Variants in UBE2E1 observed in about 807,000 individuals in gnomAD.
UBE2E1 encodes the protein ubiquitin-conjugating enzyme E2 E1.
A neutral mutation model predicts 21.4 loss-of-function variants in UBE2E1; 6 were observed. The observed-to-expected ratio is 0.28, with a 90% CI of 0.15 to 0.55. UBE2E1 has a LOEUF of 0.55. Among genes scored for constraint, UBE2E1 ranks in the 20% least tolerant of loss-of-function variants. UBE2E1 has a pLI of 0.93. For synonymous variants in UBE2E1, 87 were observed against 82.7 expected (o/e 1.05, Z -0.28); for missense variants, 142 against 236.5 (o/e 0.60, Z 2.62).
At chr3:23,811,393 C>A in intron 2 of UBE2E1, 67 bp from the exon 3 acceptor site, 1 of 1,487,332 alleles carries the variant, frequency 6.7e-7, no homozygotes, top group Non-Finnish European at 9.4e-7. Flanking sequence ...GACCTGCACG[C>A]TACAGGTGGG....
At position 23,842,266 on chromosome 3, in the gene UBE2E1, C is replaced by A. The variant is rs1477137531; in HGVS notation, c.203+30756C>A. 1.1e-5 allele frequency among the ~76,000 whole-genome samples: 1 copy of A among 86,990 alleles called. No homozygotes were observed. Among genetic ancestry groups the A allele is most frequent in the Admixed American group, 1.4e-4 (1 of 7,130 alleles). 57.1% of individuals were successfully genotyped at this position (86,990 alleles called of 152,430 possible). ...GTGTGTGTGGTGTTGTTGTTGTTGG[C>A]GACAGGGTCTCAATTCGTCGCCTAG... On this transcript the variant is annotated intron_variant, in intron 3 of 5. Transcript: ENST00000306627. The surrounding 1 kb of genome is among the most constrained non-coding windows in gnomAD (Gnocchi z 4.6).
In UBE2E1 at chr3:23,830,202, G is replaced by A. The variant is rs143373565; in HGVS notation, c.203+18692G>A. 5.1e-4 allele frequency among the ~76,000 whole-genome samples: 77 copies of A among 152,156 alleles called. 1 individual carries two copies. In the East Asian group the frequency reaches 0.014, roughly 28 times the overall value. ...TTGCTTCTAGTTAAGTAGCCTTTCA[G>A]GATGGTGTTTAATTTATTCTGAGCC... On this transcript the variant is annotated intron_variant, in intron 3 of 5. Transcript: ENST00000306627.
chr3:23,838,864 C>G (rs1258853089), intron 3 of UBE2E1, among the ~76,000 whole-genome samples: 2 of 111,704 alleles, frequency 1.8e-5, no homozygotes, highest in Non-Finnish European at 3.8e-5. Context: ...TTCATGCTTG[C>G]TTTTGGGTTG....
intron 3 of UBE2E1, 24 bp downstream of exon 3, chr3:23,811,534 C>T (rs760386536): frequency 6.2e-7 from 1 of 1,611,658 alleles, no homozygotes; most frequent in South Asian, 1.1e-5. Flanking sequence ...CGGATTTTTT[C>T]CATTTTTAAA....
chr3:23,821,297 A>G (rs947136568), intron 3 of UBE2E1, among the ~76,000 whole-genome samples: 8 of 152,236 alleles, frequency 5.3e-5, no homozygotes, highest in Non-Finnish European at 8.8e-5. Context: ...ACATTTGGTC[A>G]AAGACCTAAA....
Position 23,807,364 on chromosome 3 carries a change from A to G in UBE2E1, c.95A>G (p.Lys32Arg), listed in dbSNP as rs1699301147. The change falls in exon 2 of 6, where the codon AAG (lysine) becomes AGG (arginine). Residue 32 changes from lysine to arginine, a missense_variant. This residue lies in a region of UBE2E1 where 55 missense variants were observed against 51.5 expected (regional missense o/e 1.07). Transcript: ENST00000306627. ...TEKETNTPKK[K>R]ESKVSMSKNS... ...AAAGAAACAAACACCCCCAAGAAGA[A>G]GGAGAGTAAAGTCAGCATGAGCAAA... The G allele has an allele frequency of 3.7e-6, 6 of 1,613,870 alleles. No homozygotes were observed. Among genetic ancestry groups the G allele is most frequent in the Non-Finnish European group, 3.4e-6 (4 of 1,179,964 alleles).
At chr3:23,859,207 C>T (rs763976846) in intron 3 of UBE2E1, among the ~76,000 whole-genome samples, 19 of 152,174 alleles carry the variant, frequency 1.2e-4, no homozygotes, top group East Asian at 1.2e-3. Context: ...CTGCTCTGCC[C>T]GTGGAAGCTG....
intron 3 of UBE2E1, among the ~76,000 whole-genome samples, chr3:23,884,757 T>C (rs1480171307): frequency 6.6e-6 from 1 of 152,136 alleles, no homozygotes; most frequent in Non-Finnish European, 1.5e-5. Context: ...CAGCTTGGAA[T>C]ATTGTCAGTA....
chr3:23,814,583 A>G (rs541783217), intron 3 of UBE2E1, among the ~76,000 whole-genome samples: 2 of 152,240 alleles, frequency 1.3e-5, no homozygotes, highest in East Asian at 3.9e-4. Context: ...ATTTAGCTCT[A>G]TTCTTTTAGG....
rs562705719 is a variant in UBE2E1, at chr3:23,835,858, CAAAAT to C, written c.203+24353_203+24357del. ...CTGGATAATCTACATAAATAATCCT[CAAAAT>C]AAAAGGTTCATTTCAACACGTAATA... On this transcript the variant is annotated intron_variant, in intron 3 of 5. Coordinates refer to ENST00000306627, the MANE Select transcript of UBE2E1 (RefSeq NM_003341.5). 2.5e-4 allele frequency among the ~76,000 whole-genome samples: 38 copies of C among 152,178 alleles called. No homozygotes were observed. In the East Asian group the frequency reaches 7.1e-3, roughly 29 times the overall value.
chr3:23,866,592 T>A (rs929547799), intron 3 of UBE2E1: 2 of 152,196 alleles, frequency 1.3e-5, no homozygotes, highest in African/African-American at 4.8e-5. Context: ...GGACTGTAAT[T>A]GAACTGATGC....
Position 23,842,004 on chromosome 3 carries a change from G to A in UBE2E1, c.203+30494G>A, listed in dbSNP as rs1378607925. Among the ~76,000 whole-genome samples, 2 of 152,142 alleles carry A rather than the reference G, an allele frequency of 1.3e-5. No homozygotes were observed. The highest frequency in any genetic ancestry group is 1.9e-4 in the East Asian group (1 of 5,192). ...CTTTTACAAAAAACTTGAGGTACAT[G>A]ATTTAGTACTTTGATTATCCTAGTG... is the stretch of plus-strand genomic sequence containing the variant. On this transcript the variant is annotated intron_variant, in intron 3 of 5. Transcript: ENST00000306627. The surrounding 1 kb of genome is among the most constrained non-coding windows in gnomAD (Gnocchi z 4.6).
intron 3 of UBE2E1, among the ~76,000 whole-genome samples, chr3:23,818,687 G>A (rs536339142): frequency 5.3e-5 from 8 of 152,290 alleles, no homozygotes; most frequent in South Asian, 2.1e-4. Context: ...GTGGCCTGAC[G>A]GTGGAGCTGA....
At chr3:23,884,788 C>T (rs1396203305) in intron 3 of UBE2E1, among the ~76,000 whole-genome samples, 1 of 152,144 alleles carries the variant, frequency 6.6e-6, no homozygotes, top group Non-Finnish European at 1.5e-5. Context: ...GAGAGCCTGG[C>T]TTCTGTGAAT....
At chr3:23,825,635 C>A (rs1344304013) in intron 3 of UBE2E1, among the ~76,000 whole-genome samples, 1 of 152,006 alleles carries the variant, frequency 6.6e-6, no homozygotes, top group Non-Finnish European at 1.5e-5. Context: ...GGGGAAATGA[C>A]CCTGAATGAT....
chr3:23,837,398 C>G (rs1240653991), intron 3 of UBE2E1, among the ~76,000 whole-genome samples: 2 of 152,158 alleles, frequency 1.3e-5, no homozygotes, highest in Non-Finnish European at 1.5e-5. Flanking sequence ...TTGAGAAGCT[C>G]TCAAAACTGT....
At chr3:23,833,923 G>A (rs60740455) in intron 3 of UBE2E1, among the ~76,000 whole-genome samples, 2,188 of 152,108 alleles carry the variant, frequency 0.014, 49 homozygotes, top group African/African-American at 0.05. Flanking sequence ...ACTTGAGCCC[G>A]ACAGGTTGAC....
intron 3 of UBE2E1, among the ~76,000 whole-genome samples, chr3:23,849,739 T>C (rs535054131): frequency 4.6e-4 from 70 of 152,362 alleles, no homozygotes; most frequent in African/African-American, 1.6e-3. Flanking sequence ...TGCCACGTTT[T>C]CTTTATCCAG....
At chr3:23,846,029 C>T (rs1465775830) in intron 3 of UBE2E1, among the ~76,000 whole-genome samples, 1 of 152,096 alleles carries the variant, frequency 6.6e-6, no homozygotes, top group Non-Finnish European at 1.5e-5. Context: ...AACTCTTGCT[C>T]CTTAGGCAAC....
Sources: allele counts gnomAD v4.1 joint callset (sites outside exome capture counted in the v4.1 genomes callset), GRCh38; gene constraint gnomAD v4.1.1; regional missense constraint gnomAD v4.1.1; non-coding constraint Gnocchi (gnomAD v3.1); transcripts MANE v1.5; gene names NCBI Gene and HGNC (gene_info 2026-07-23, HGNC 2026-07-21).